The following C4orf50 variants were observed in gnomAD, a reference collection of about 807,000 sequenced individuals.
The protein encoded by C4orf50 is chromosome 4 open reading frame 50.
A neutral mutation model predicts 77.2 loss-of-function variants in C4orf50; 80 were observed. The ratio of observed to expected loss-of-function variants is 1.04; its 90% CI spans 0.87 to 1.25. The LOEUF is 1.25. Ranked by LOEUF, C4orf50 falls within the 50% of genes most tolerant of loss-of-function variation. The pLI is 0.00. For synonymous variants in C4orf50, 532 were observed against 465.3 expected, an observed-to-expected ratio of 1.14 and a Z score of -1.84; for missense variants, 1,257 against 1,152.9, an observed-to-expected ratio of 1.09 and a Z score of -1.31.
At chr4:5,968,723 C>T (rs1386887041) in intron 31 of C4orf50, among the ~76,000 whole-genome samples, 1 of 152,192 alleles carries the variant, frequency 6.6e-6, no homozygotes, top group Non-Finnish European at 1.5e-5. Context: ...ATTTCCAGTG[C>T]TTTGAATGAA....
chr4:5,910,367 T>G (rs1231775622), intron 7 of C4orf50, among the ~76,000 whole-genome samples: 2 of 152,232 alleles, frequency 1.3e-5, no homozygotes, highest in South Asian at 2.1e-4. Flanking sequence ...AATCTAAAAT[T>G]TAAGCCTTTT....
intron 28 of C4orf50, among the ~76,000 whole-genome samples, chr4:5,986,779 C>A (rs573626560): frequency 6.6e-6 from 1 of 151,924 alleles, no homozygotes; most frequent in African/African-American, 2.4e-5. Context: ...CCTCATGATC[C>A]GCCCTCCTTG....
chr4:5,938,728 ATTC>A lies in C4orf50; in HGVS notation c.*2474+18170_*2474+18172del, dbSNP rs772950313. Among the ~76,000 whole-genome samples the A allele has an allele frequency of 3.9e-5, 6 of 152,096 alleles. No individual in the cohort carries two copies. The South Asian group carries it at 6.2e-4, about 16-fold the overall frequency. ...CTTAATATCACACTAATCAAGACAAATTCTTCTCTCCCATTTCAAAATCTATCA... is the reference window on the plus strand; with the variant it reads ...CTTAATATCACACTAATCAAGACAAATTCTCTCCCATTTCAAAATCTATCA... On this transcript the variant is annotated intron_variant, in intron 7 of 7. Transcript: ENST00000324058.
At position 5,932,648 on chromosome 4, in the gene C4orf50, C is replaced by T. The variant is rs542750934; in HGVS notation, c.*2474+24253G>A. Among the ~76,000 whole-genome samples, 1 of 152,108 alleles carries T rather than the reference C, an allele frequency of 6.6e-6. No individual in the cohort carries two copies. The highest frequency in any genetic ancestry group is 1.5e-5 in the Non-Finnish European group (1 of 68,026). On this transcript the variant is annotated intron_variant, in intron 7 of 7. Transcript: ENST00000324058. The surrounding 1 kb of genome is among the most constrained non-coding windows in gnomAD (Gnocchi z 4.2). ...ATAGAGATGGAGTCCCCCTGCCTTG[C>T]TCAGGCTGGTCTTGAACTCTTGGGC...
At chr4:5,928,361 C>CAT (rs1251327791) in intron 7 of C4orf50, among the ~76,000 whole-genome samples, 2 of 91,794 alleles carry the variant, frequency 2.2e-5, no homozygotes, top group Non-Finnish European at 5.5e-5. Flanking sequence ...CACACACACA[C>CAT]ATACACACAC....
chr4:5,954,118 C>T (rs1482526433), downstream of C4orf50, among the ~76,000 whole-genome samples: 2 of 152,208 alleles, frequency 1.3e-5, no homozygotes, highest in East Asian at 3.9e-4. The surrounding 1 kb of genome is among the most constrained non-coding windows in gnomAD (Gnocchi z 4.7). Context: ...TCCCTGGCTC[C>T]CAGGACAGCA....
At chr4:5,945,388 A>G (rs1363743735) in intron 7 of C4orf50, among the ~76,000 whole-genome samples, 1 of 152,020 alleles carries the variant, frequency 6.6e-6, no homozygotes, top group Non-Finnish European at 1.5e-5. Flanking sequence ...GACTCACTTC[A>G]TTTTCTTCTG....
intron 30 of C4orf50, among the ~76,000 whole-genome samples, chr4:5,974,771 G>T (rs1720155691): frequency 6.6e-6 from 1 of 152,112 alleles, no homozygotes; most frequent in Non-Finnish European, 1.5e-5. Context: ...AAACCCCATG[G>T]GTGAGTAATG....
At chr4:5,980,276 A>T in exon 29 of C4orf50, 2 of 1,613,086 alleles carry the variant, frequency 1.2e-6, no homozygotes, top group Non-Finnish European at 1.7e-6. Flanking sequence ...GCACCCGGTG[A>T]TGGAGCTGCT....
intron 25 of C4orf50, among the ~76,000 whole-genome samples, chr4:6,003,845 A>ATGATGGTGATGATGG (rs1338534553): frequency 4.6e-5 from 2 of 43,316 alleles, no homozygotes; most frequent in East Asian, 2.3e-3. Flanking sequence ...TGTGATAGTG[A>ATGATGGTGATGATGG]TGATGGTGAT....
intron 7 of C4orf50, among the ~76,000 whole-genome samples, chr4:5,945,423 C>T (rs935234124): frequency 2.6e-5 from 4 of 152,176 alleles, no homozygotes; most frequent in African/African-American, 9.7e-5. Flanking sequence ...TTTAAGTAGC[C>T]CGGCCAGAGT....
At chr4:5,950,494 G>T (rs181990785) in intron 7 of C4orf50, among the ~76,000 whole-genome samples, 2 of 152,240 alleles carry the variant, frequency 1.3e-5, no homozygotes, top group Admixed American at 1.3e-4. Context: ...TTTTGTCAAG[G>T]TTCGAAATTT....
chr4:5,907,542 A>T (rs896317121), intron 7 of C4orf50, among the ~76,000 whole-genome samples: 4 of 152,240 alleles, frequency 2.6e-5, no homozygotes, highest in African/African-American at 9.6e-5. Context: ...AGAATAACTG[A>T]TGATCTCTAC....
intron 25 of C4orf50, among the ~76,000 whole-genome samples, chr4:5,998,437 C>CAA (rs1721691362): frequency 6.6e-6 from 1 of 152,164 alleles, no homozygotes; most frequent in African/African-American, 2.4e-5. Flanking sequence ...CTGCTCTGCA[C>CAA]AAAAGCAAGC....
intron 7 of C4orf50, chr4:5,923,324 A>G (rs1717364182): frequency 1.3e-5 from 2 of 154,318 alleles, no homozygotes; most frequent in Non-Finnish European, 2.9e-5. Flanking sequence ...AAGGACAGAA[A>G]CAGTGATGGC....
At chr4:5,961,219 G>A (rs1719254483) in intron 33 of C4orf50, among the ~76,000 whole-genome samples, 1 of 152,216 alleles carries the variant, frequency 6.6e-6, no homozygotes, top group Admixed American at 6.5e-5. Flanking sequence ...AAAGGCTGAG[G>A]CGGGAGAATC....
chr4:6,004,105 TGATGG>T (rs1197960377), intron 25 of C4orf50, among the ~76,000 whole-genome samples: 5 of 102,396 alleles, frequency 4.9e-5, no homozygotes, highest in South Asian at 3.5e-4. Flanking sequence ...GTGATGATGG[TGATGG>T]TGATGATGGT....
At chr4:5,959,720 G>A in intron 33 of C4orf50, 94 bp from the exon 12 acceptor site, 8 of 1,442,542 alleles carry the variant, frequency 5.5e-6, no homozygotes, top group Non-Finnish European at 7.4e-6. Context: ...AGATGACAGT[G>A]ATAGCTAACG....
At chr4:5,928,349 CACACACACACACAT>C (rs1039683317) in intron 7 of C4orf50, among the ~76,000 whole-genome samples, 2 of 133,642 alleles carry the variant, frequency 1.5e-5, no homozygotes, top group South Asian at 2.4e-4. Flanking sequence ...CCCTCTCATA[CACACACACACACAT>C]ACACACACAC....
Sources: gnomAD v4.1 joint callset for allele counts (sites outside exome capture counted in the v4.1 genomes callset) on GRCh38, gnomAD v4.1.1 for gene constraint, Gnocchi (gnomAD v3.1) non-coding constraint, MANE v1.5 for transcripts, NCBI Gene and HGNC (gene_info 2026-07-23, HGNC 2026-07-21) for gene names.